Variants in FAM217B observed in about 807,000 individuals in gnomAD.
FAM217B encodes the protein protein FAM217B.
For missense variants in FAM217B, 463 were observed against 456.9 expected, an observed-to-expected ratio of 1.01 and a Z score of -0.12; for synonymous variants, 163 against 173.0, an observed-to-expected ratio of 0.94 and a Z score of 0.45.
At chr20:59,940,208 CTT>C (rs1371551712), upstream of FAM217B, 2 of 328,234 alleles carry the variant, frequency 6.1e-6, no homozygotes, top group East Asian at 1.0e-4. Flanking sequence ...GGTAGCGCCT[CTT>C]TTTTCTTCTT....
chr20:59,934,662 A>G (rs2145940400), intron 1 of FAM217B, among the ~76,000 whole-genome samples: 1 of 152,372 alleles, frequency 6.6e-6, no homozygotes, highest in South Asian at 2.1e-4. Flanking sequence ...TAAAAGTTGA[A>G]TTGTATGTGT....
upstream of FAM217B, chr20:59,939,422 C>T (rs1347251059): frequency 6.2e-7 from 1 of 1,611,248 alleles, no homozygotes; most frequent in Admixed American, 1.7e-5. Flanking sequence ...GCTGCAGGCG[C>T]TCGCCAAAGT....
intron 3 of FAM217B, among the ~76,000 whole-genome samples, chr20:59,943,461 A>G (rs1474215783): frequency 6.6e-6 from 1 of 152,252 alleles, no homozygotes. Flanking sequence ...ATCAGTGATT[A>G]AACTGCAAAA....
chr20:59,938,328 G>C (rs1176835073), upstream of FAM217B: 1 of 152,268 alleles, frequency 6.6e-6, no homozygotes, highest in South Asian at 2.1e-4. Flanking sequence ...CTCCTCCCCA[G>C]CTGTTAATGT....
chr20:59,939,965 TGA>T (rs2060890203), upstream of FAM217B: 2 of 1,256,934 alleles, frequency 1.6e-6, no homozygotes, highest in South Asian at 4.0e-5. Flanking sequence ...GAGGCAGGGA[TGA>T]GAGACGACCT....
chr20:59,939,728 G>C (rs1159620376), upstream of FAM217B: 3 of 1,258,010 alleles, frequency 2.4e-6, no homozygotes, highest in Non-Finnish European at 3.0e-6. Flanking sequence ...CCCGCCGCAG[G>C]ATGATGGGCC....
At chr20:59,934,255 C>G (rs2060838567) in intron 1 of FAM217B, among the ~76,000 whole-genome samples, 1 of 152,208 alleles carries the variant, frequency 6.6e-6, no homozygotes, top group South Asian at 2.1e-4. Flanking sequence ...GGGTGCTGAG[C>G]TGGGTACCCA....
At chr20:59,939,765 G>A (rs2060888299), upstream of FAM217B, 4 of 1,221,936 alleles carry the variant, frequency 3.3e-6, no homozygotes, top group Non-Finnish European at 4.1e-6. Flanking sequence ...GCCCGACGGC[G>A]CTGGCGTTGG....
Position 59,945,180 on chromosome 20 carries a change from G to T in FAM217B, c.*85G>T. The T allele has an allele frequency of 8.3e-7, 1 of 1,198,464 alleles. No individual in the cohort carries two copies. Among genetic ancestry groups the T allele is most frequent in the Non-Finnish European group, 1.1e-6 (1 of 875,626 alleles). The allele number at this position is 1,198,464 out of a possible 1,614,324, so 74.2% of individuals were successfully genotyped here. On this transcript the variant is annotated 3_prime_UTR_variant, in exon 4 of 4. Coordinates refer to ENST00000360816, the MANE Select transcript of FAM217B (RefSeq NM_022106.3). ...AAGTCAAAATACTGTGAATTTTAAG[G>T]AATTTTACAAATACTGACATTTAAG...
upstream of FAM217B, chr20:59,939,292 G>A (rs556567480): frequency 3.7e-6 from 6 of 1,612,288 alleles, no homozygotes; most frequent in Admixed American, 3.3e-5. Flanking sequence ...TGGGTACTGC[G>A]CCAGCCCGAG....
chr20:59,939,878 C>G, upstream of FAM217B: 1 of 1,249,534 alleles, frequency 8.0e-7, no homozygotes, highest in African/African-American at 1.5e-5. Flanking sequence ...GGGGGCCGAG[C>G]TTCCGGGATC....
intron 3 of FAM217B, among the ~76,000 whole-genome samples, chr20:59,943,672 C>G (rs6064864): frequency 3.3e-5 from 5 of 151,760 alleles, no homozygotes; most frequent in Non-Finnish European, 7.4e-5. Flanking sequence ...AATGTTTTTC[C>G]TAAATGCTAA....
upstream of FAM217B, chr20:59,938,750 C>T (rs2060876938): frequency 3.2e-6 from 1 of 311,316 alleles, no homozygotes; most frequent in East Asian, 5.2e-5. Context: ...TTGGGCCTCC[C>T]CAGAGGGCCC....
chr20:59,944,011 A>T lies in FAM217B; in HGVS notation c.68A>T (p.Lys23Ile). The T allele has an allele frequency of 6.2e-7, 1 of 1,613,890 alleles. No individual in the cohort carries two copies. The highest frequency in any genetic ancestry group is 1.1e-5 in the South Asian group (1 of 91,004). The change falls in exon 4 of 4, where the codon AAA (lysine) becomes ATA (isoleucine). Residue 23 changes from lysine (K) to isoleucine (I), a missense_variant. Coordinates refer to ENST00000360816, the MANE Select transcript of FAM217B (RefSeq NM_022106.3). ...AATTCTTCAGGAAAAAGGCAGAGTA[A>T]ATCCCAAGTACCCCACGCTTCTTCC... ...SKNSSGKRQS[K>I]SQVPHASSQP...
rs1454567819 is a variant in FAM217B, at chr20:59,948,411, A to T, written c.*3316A>T. The T allele has an allele frequency of 6.0e-6, 1 of 166,958 alleles. No individual in the cohort carries two copies. Among genetic ancestry groups the T allele is most frequent in the Non-Finnish European group, 1.5e-5 (1 of 68,108 alleles). The allele number at this position is 166,958 out of a possible 1,614,324, so 10.3% of individuals were successfully genotyped here. On this transcript the variant is annotated 3_prime_UTR_variant, in exon 4 of 4. Transcript: ENST00000360816. Reference sequence around the variant, plus strand: ...TGATATGGATATCGTCTACTTCCTCATTCCTTTATGCTCACTTATGGAGTA... The same window carrying T: ...TGATATGGATATCGTCTACTTCCTCTTTCCTTTATGCTCACTTATGGAGTA...
chr20:59,942,829 G>A (rs2060912700), intron 3 of FAM217B, among the ~76,000 whole-genome samples: 1 of 152,196 alleles, frequency 6.6e-6, no homozygotes, highest in South Asian at 2.1e-4. Context: ...TGACAGGCAG[G>A]AACAAAATGT....
In FAM217B at chr20:59,946,925, T is replaced by TC. The variant is rs2060940221; in HGVS notation, c.*1832dup. 1 of 167,110 alleles carries TC rather than the reference T, an allele frequency of 6.0e-6. No homozygotes were observed. Among genetic ancestry groups the TC allele is most frequent in the African/African-American group, 2.4e-5 (1 of 41,468 alleles). 10.4% of individuals were successfully genotyped at this position (167,110 alleles called of 1,614,324 possible). A position where few individuals can be genotyped will look rare whatever the true frequency, so the allele number is the denominator to read the frequency against. On this transcript the variant is annotated 3_prime_UTR_variant, in exon 4 of 4. Transcript: ENST00000360816. Reference sequence around the variant, plus strand: ...TTTGTGAGCACAGATTAGTCTGTTATCCATGGCTGGCACTTCACTTATGAT... The same window carrying TC: ...TTTGTGAGCACAGATTAGTCTGTTATCCCATGGCTGGCACTTCACTTATGAT...
chr20:59,943,735 A>G (rs1423020742), intron 3 of FAM217B, among the ~76,000 whole-genome samples: 1 of 152,216 alleles, frequency 6.6e-6, no homozygotes, highest in Non-Finnish European at 1.5e-5. Flanking sequence ...TGCATTATAT[A>G]ATGTATCTCA....
At position 59,944,490 on chromosome 20, in the gene FAM217B, G is replaced by C. The variant is rs750772781; in HGVS notation, c.547G>C (p.Asp183His). ...GGGAGGACTTCTTGGGAAGTATATC[G>C]ATAGACTTATTCAGCTTGAGTGGCT... Reference protein sequence around the residue: ...RVGGLLGKYIDRLIQLEWLQV... With the variant: ...RVGGLLGKYIHRLIQLEWLQV... The change falls in exon 4 of 4, where the codon GAT (aspartate) becomes CAT (histidine). Residue 183 changes from aspartate (D) to histidine (H), a missense_variant. Coordinates refer to ENST00000360816, the MANE Select transcript of FAM217B (RefSeq NM_022106.3). 6.2e-6 allele frequency: 10 copies of C among 1,613,908 alleles called. No homozygotes were observed. Among genetic ancestry groups the C allele is most frequent in the South Asian group, 2.2e-5 (2 of 91,074 alleles).
Sources: allele counts gnomAD v4.1 joint callset (sites outside exome capture counted in the v4.1 genomes callset), GRCh38; gene constraint gnomAD v4.1.1; transcripts MANE v1.5; gene names NCBI Gene and HGNC (gene_info 2026-07-23, HGNC 2026-07-21).